Variants in SEMA5A observed in about 807,000 individuals in gnomAD.
SEMA5A encodes the protein semaphorin-5A.
Under a neutral mutation model 135.5 loss-of-function variants are expected in SEMA5A, and 55 were observed. That is an observed-to-expected ratio of 0.41 (90% confidence interval 0.33 to 0.51). The LOEUF (loss-of-function observed/expected upper bound fraction) is 0.51. SEMA5A is among the 20% of genes least tolerant of loss of function. The pLI is 0.37. For synonymous variants in SEMA5A, 580 were observed against 546.5 expected (o/e 1.06, Z -0.85); for missense variants, 1,290 against 1,419.9 (o/e 0.91, Z 1.47).
Position 9,146,156 on chromosome 5 carries a change from G to A in SEMA5A, c.1481+8332C>T, listed in dbSNP as rs115071088. On this transcript the variant is annotated intron_variant, in intron 12 of 22. Coordinates refer to ENST00000382496, the MANE Select transcript of SEMA5A (RefSeq NM_003966.3). ...CCAGGGTCTGGGGGTGTTACCTTAC[G>A]ACAACACTGGAATACACTGTGCTCC... Among the ~76,000 whole-genome samples, 1,002 of 152,102 alleles carry A rather than the reference G, an allele frequency of 6.6e-3. 6 individuals carry two copies. The highest frequency in any genetic ancestry group is 0.022 in the African/African-American group (933 of 41,514).
chr5:9,318,378 A>G lies in SEMA5A; in HGVS notation c.264T>C (p.Leu88=). 1 of 1,612,542 alleles carries G rather than the reference A, an allele frequency of 6.2e-7. No homozygotes were observed. Among genetic ancestry groups the G allele is most frequent in the South Asian group, 1.1e-5 (1 of 90,608 alleles). Residue 88 remains leucine (L), a synonymous_variant, in exon 5 of 23, where the codon CTT becomes CTC. Coordinates refer to ENST00000382496, the MANE Select transcript of SEMA5A (RefSeq NM_003966.3). ...AAAAATAAATTGCACCTACCTGGAT[A>G]AGAGACAGATCCTCAAGCTGTAACC... is the stretch of plus-strand genomic sequence containing the variant. ...LFRLQLEDLS[L]IQAVEWECDE... is the part of the protein sequence containing the mutation.
intron 16 of SEMA5A, among the ~76,000 whole-genome samples, chr5:9,100,418 C>T (rs888513390): frequency 6.6e-6 from 1 of 152,124 alleles, no homozygotes; most frequent in African/African-American, 2.4e-5. Context: ...TCTCTGAAGC[C>T]CCAGGAGACT....
intron 1 of SEMA5A, among the ~76,000 whole-genome samples, chr5:9,466,254 G>A (rs572436755): frequency 1.3e-5 from 2 of 151,774 alleles, no homozygotes; most frequent in African/African-American, 4.8e-5. Flanking sequence ...AGCATTAGGA[G>A]ATATACCTAA....
intron 2 of SEMA5A, among the ~76,000 whole-genome samples, chr5:9,403,098 T>C (rs1002673445): frequency 7.2e-5 from 11 of 152,138 alleles, no homozygotes; most frequent in Non-Finnish European, 1.5e-4. Flanking sequence ...CTTCTCCCAT[T>C]TTATGAAGAT....
intron 2 of SEMA5A, among the ~76,000 whole-genome samples, chr5:9,432,450 C>CT (rs918390813): frequency 8.6e-5 from 13 of 151,764 alleles, no homozygotes; most frequent in South Asian, 4.2e-4. Flanking sequence ...TCAGCAAGCA[C>CT]TTTTTTTTTC....
At chr5:9,044,764 A>C (rs537810201) in intron 21 of SEMA5A, among the ~76,000 whole-genome samples, 180 bp from the exon 22 acceptor site, 119 of 152,254 alleles carry the variant, frequency 7.8e-4, no homozygotes, top group Middle Eastern at 3.4e-3. Context: ...AGAAACTTCT[A>C]CACAGGGAGC....
intron 16 of SEMA5A, among the ~76,000 whole-genome samples, chr5:9,094,280 G>C (rs953698421): frequency 6.8e-6 from 1 of 146,786 alleles, no homozygotes; most frequent in African/African-American, 2.6e-5. Context: ...TGAAGTCATT[G>C]AGAATTTTCT....
Position 9,154,475 on chromosome 5 carries a change from G to C in SEMA5A, c.1481+13C>G. ...ACACACACCAGTGCATCCTGACCCC[G>C]GAGATGCCCTACCTGCGTGTGCGGT... On this transcript the variant is annotated intron_variant, in intron 12 of 22. Transcript: ENST00000382496. 6.2e-7 allele frequency: 1 copy of C among 1,611,192 alleles called. No individual in the cohort carries two copies. The highest frequency in any genetic ancestry group is 1.1e-5 in the South Asian group (1 of 90,958).
chr5:9,493,557 G>A (rs1028456282), intron 1 of SEMA5A, among the ~76,000 whole-genome samples: 4 of 152,028 alleles, frequency 2.6e-5, no homozygotes, highest in African/African-American at 9.7e-5. Context: ...AAAGCCATGG[G>A]GCAATGGAAC....
At chr5:9,212,317 C>G (rs560020929) in intron 8 of SEMA5A, among the ~76,000 whole-genome samples, 404 of 152,302 alleles carry the variant, frequency 2.7e-3, no homozygotes, top group South Asian at 0.013. Flanking sequence ...TCCTGCCTTA[C>G]AGTAATCATT....
At chr5:9,255,160 C>T (rs1474098839) in intron 5 of SEMA5A, among the ~76,000 whole-genome samples, 2 of 152,160 alleles carry the variant, frequency 1.3e-5, no homozygotes, top group African/African-American at 4.8e-5. Flanking sequence ...CATTCCTTAT[C>T]TTGATTTTTG....
intron 2 of SEMA5A, among the ~76,000 whole-genome samples, chr5:9,394,132 A>C (rs1756285360): frequency 6.6e-6 from 1 of 152,298 alleles, no homozygotes; most frequent in African/African-American, 2.4e-5. Context: ...AATATGAATA[A>C]GTGTGGTATG....
In SEMA5A at chr5:9,202,224, T is replaced by A. The variant is rs774380556; in HGVS notation, c.663A>T (p.Ser221=). The part of the protein sequence containing the change: ...SKWLNEPNFV[S]SYDIGNFTYF... ...AGGTAAAATTTCCGATGTCATAAGA[T>A]GACACAAAGTTTGGCTCTGGAAACA... The change falls in exon 9 of 23, where the codon TCA becomes TCT. Residue 221 remains serine (S), a synonymous_variant. Transcript: ENST00000382496. 7 of 1,613,030 alleles carry A rather than the reference T, an allele frequency of 4.3e-6. No individual in the cohort carries two copies. Among genetic ancestry groups the A allele is most frequent in the Non-Finnish European group, 5.9e-6 (7 of 1,179,316 alleles).
intron 5 of SEMA5A, among the ~76,000 whole-genome samples, chr5:9,315,630 C>A (rs2150660655): frequency 6.6e-6 from 1 of 152,072 alleles, no homozygotes; most frequent in South Asian, 2.1e-4. Flanking sequence ...GGGTAGAGGC[C>A]AGTTTTTTGT....
rs1210636600 is a variant in SEMA5A, at chr5:9,312,767, C to CGATTTGAAGT, written c.270+5595_270+5604dup. Among the ~76,000 whole-genome samples, 4 of 152,046 alleles carry CGATTTGAAGT rather than the reference C, an allele frequency of 2.6e-5. 1 individual carries two copies. Among genetic ancestry groups the CGATTTGAAGT allele is most frequent in the African/African-American group, 9.7e-5 (4 of 41,404 alleles). ...TTTTTGGCAAAAGGGAAGAGACTTC[C>CGATTTGAAGT]GATTTGAAGTACTGTTGACTCCATG... is the stretch of plus-strand genomic sequence containing the variant. On this transcript the variant is annotated intron_variant, in intron 5 of 22. Transcript: ENST00000382496.
At chr5:9,285,037 C>G (rs1225543076) in intron 5 of SEMA5A, among the ~76,000 whole-genome samples, 1 of 152,150 alleles carries the variant, frequency 6.6e-6, no homozygotes, top group East Asian at 1.9e-4. Flanking sequence ...TAGAACCAAA[C>G]TAGAGGAAGG....
At chr5:9,119,939 T>TA (rs559439705) in intron 14 of SEMA5A, among the ~76,000 whole-genome samples, 2 of 151,994 alleles carry the variant, frequency 1.3e-5, no homozygotes, top group Non-Finnish European at 2.9e-5. Context: ...TGAACCAATT[T>TA]AAAAAATTTT....
At chr5:9,445,224 T>C (rs558509778) in intron 1 of SEMA5A, among the ~76,000 whole-genome samples, 1 of 152,236 alleles carries the variant, frequency 6.6e-6, no homozygotes, top group South Asian at 2.1e-4. Flanking sequence ...GTCTCTGCCC[T>C]CAAGGAATTC....
intron 3 of SEMA5A, among the ~76,000 whole-genome samples, chr5:9,371,831 A>G (rs1199263534): frequency 6.6e-6 from 1 of 152,232 alleles, no homozygotes; most frequent in Non-Finnish European, 1.5e-5. Context: ...ACAAGTGAAG[A>G]TCACACTTGG....
Sources: allele counts gnomAD v4.1 joint callset (sites outside exome capture counted in the v4.1 genomes callset), GRCh38; gene constraint gnomAD v4.1.1; transcripts MANE v1.5; gene names NCBI Gene and HGNC (gene_info 2026-07-23, HGNC 2026-07-21).